Variants in CDH23 observed in about 807,000 individuals in gnomAD.
The protein encoded by CDH23 is cadherin related 23.
Under a neutral mutation model 317.1 loss-of-function variants are expected in CDH23, and 189 were observed. The ratio of observed to expected loss-of-function variants is 0.60; its 90% CI spans 0.53 to 0.67. CDH23 has a LOEUF of 0.67. Ranked by LOEUF, CDH23 falls within the 30% of genes least tolerant of loss-of-function variation. The pLI is 0.00. For missense variants in CDH23, 4,401 were observed against 4,592.4 expected (o/e 0.96, Z 1.20); for synonymous variants, 1,839 against 1,876.8 (o/e 0.98, Z 0.52).
At chr10:71,582,816 A>G (rs1858733843) in intron 9 of CDH23, among the ~76,000 whole-genome samples, 1 of 152,208 alleles carries the variant, frequency 6.6e-6, no homozygotes, top group Non-Finnish European at 1.5e-5. Flanking sequence ...GGTGGAGACC[A>G]GGGCACCATC....
At chr10:71,799,419 T>C (rs952534305) in intron 51 of CDH23, 73 bp from the exon 52 acceptor site, 2 of 1,606,292 alleles carry the variant, frequency 1.2e-6, no homozygotes, top group African/African-American at 2.7e-5. Context: ...CCTGCATCAG[T>C]GAGTTCTAGG....
intron 1 of CDH23, among the ~76,000 whole-genome samples, chr10:71,420,555 G>GGTA (rs1564568942): frequency 8.7e-5 from 8 of 92,278 alleles, no homozygotes; most frequent in African/African-American, 3.7e-4. Context: ...GTGATATGAT[G>GGTA]ATGGTGATGA....
chr10:71,542,802 C>A (rs534583235), intron 6 of CDH23, among the ~76,000 whole-genome samples: 1 of 152,380 alleles, frequency 6.6e-6, no homozygotes, highest in South Asian at 2.1e-4. Flanking sequence ...GGCTGCCACA[C>A]TTCAGCTCTC....
chr10:71,655,336 A>T (rs1446412330), intron 14 of CDH23, among the ~76,000 whole-genome samples: 2 of 151,952 alleles, frequency 1.3e-5, no homozygotes, highest in Non-Finnish European at 2.9e-5. Context: ...GCCCACTCAG[A>T]TCCTCAACAC....
At chr10:71,551,289 T>C (rs1281790580) in intron 6 of CDH23, among the ~76,000 whole-genome samples, 1 of 152,224 alleles carries the variant, frequency 6.6e-6, no homozygotes, top group Non-Finnish European at 1.5e-5. Flanking sequence ...TTAATGAACG[T>C]CATTTGCAAT....
intron 38 of CDH23, among the ~76,000 whole-genome samples, chr10:71,765,048 G>T (rs1383360986): frequency 6.6e-6 from 1 of 152,214 alleles, no homozygotes; most frequent in East Asian, 1.9e-4. Flanking sequence ...CTATGGCTCT[G>T]CCGGGAAACA....
At chr10:71,724,534 C>A (rs1866721447) in intron 29 of CDH23, among the ~76,000 whole-genome samples, 1 of 152,226 alleles carries the variant, frequency 6.6e-6, no homozygotes, top group Admixed American at 6.5e-5. Context: ...GATCTCCTGA[C>A]CTTGTGATCC....
intron 22 of CDH23, among the ~76,000 whole-genome samples, chr10:71,700,981 G>A (rs763502780): frequency 8.5e-5 from 13 of 152,186 alleles, no homozygotes; most frequent in African/African-American, 2.9e-4. Flanking sequence ...TGTCATCACC[G>A]AGTGTCCTGC....
chr10:71,506,183 G>GCGAATC (rs1309208639), intron 3 of CDH23, among the ~76,000 whole-genome samples: 4 of 152,154 alleles, frequency 2.6e-5, no homozygotes, highest in African/African-American at 9.7e-5. Context: ...TCTAGGATAG[G>GCGAATC]CGAATCCATA....
intron 11 of CDH23, among the ~76,000 whole-genome samples, chr10:71,618,932 T>A (rs866277530): frequency 9.6e-4 from 147 of 152,332 alleles, no homozygotes; most frequent in African/African-American, 3.2e-3. Context: ...TAAGTATTGA[T>A]CACCTGCTGT....
intron 10 of CDH23, among the ~76,000 whole-genome samples, chr10:71,616,863 G>A (rs1349412892): frequency 6.6e-6 from 1 of 152,202 alleles, no homozygotes; most frequent in African/African-American, 2.4e-5. Flanking sequence ...CAAAGAGAAT[G>A]AAGACTTCCC....
rs1321326393 is a variant in CDH23 at position 71,572,024 on chromosome 10, G to A, written c.753+1106G>A. Among the ~76,000 whole-genome samples the A allele has an allele frequency of 2.0e-5, 3 of 152,260 alleles. No homozygotes were observed. In the East Asian group the frequency reaches 5.8e-4, roughly 29 times the overall value. On this transcript the variant is annotated intron_variant, in intron 8 of 69. Coordinates refer to ENST00000224721, the MANE Select transcript of CDH23 (RefSeq NM_022124.6). ...CAGCATGAGGCCGCAGTCTCCTGGT[G>A]TATGGGGCTGGCATTTGGCCACTTC...
chr10:71,521,891 G>A (rs767455442), intron 6 of CDH23, among the ~76,000 whole-genome samples: 18 of 152,128 alleles, frequency 1.2e-4, no homozygotes, highest in Non-Finnish European at 1.8e-4. Context: ...TTCCTGGGGT[G>A]GCCCCTGGCC....
rs546483629 is a variant in CDH23, at chr10:71,642,783, C to G, written c.1135-1078C>G. ...TCAGTCAACCTCTCTGAACTCAATT[C>G]CACTGGAGGGGCTGGAGGGGCCCGT... On this transcript the variant is annotated intron_variant, in intron 11 of 69. Coordinates refer to ENST00000224721, the MANE Select transcript of CDH23 (RefSeq NM_022124.6). Among the ~76,000 whole-genome samples, 6 of 152,274 alleles carry G rather than the reference C, an allele frequency of 3.9e-5. No individual in the cohort carries two copies. In the South Asian group the frequency reaches 1.2e-3, roughly 32 times the overall value.
chr10:71,773,354 T>C (rs771727071), intron 38 of CDH23: 1 of 1,605,482 alleles, frequency 6.2e-7, no homozygotes, highest in Non-Finnish European at 8.5e-7. Flanking sequence ...TCCCCCGACC[T>C]TACCTAGGGA....
At position 71,734,334 on chromosome 10, in the gene CDH23, C is replaced by G; in HGVS notation, c.4199C>G (p.Ser1400Cys). The G allele has an allele frequency of 6.2e-7, 1 of 1,607,812 alleles. No individual in the cohort carries two copies. The highest frequency in any genetic ancestry group is 8.5e-7 in the Non-Finnish European group (1 of 1,177,152). ...VADDGGPKVD[S>C]TVKVYITVLD... ...GATGACGGCGGCCCCAAGGTGGACT[C>G]CACCGTGGTGAGTGGGACCAGGGTG... The change falls in exon 33 of 70, where the codon TCC (serine) becomes TGC (cysteine). Residue 1400 changes from serine (S) to cysteine (C), a missense_variant. Physicochemically the swap from Ser to Cys is moderately radical, Grantham distance 112 (BLOSUM62 -1). This residue lies in a region of CDH23 where 3,068 missense variants were observed against 3,203.3 expected (regional missense o/e 0.96). Coordinates refer to ENST00000224721, the MANE Select transcript of CDH23 (RefSeq NM_022124.6).
intron 3 of CDH23, among the ~76,000 whole-genome samples, chr10:71,502,969 C>T (rs1244967195): frequency 1.3e-5 from 2 of 152,226 alleles, no homozygotes; most frequent in Non-Finnish European, 2.9e-5. Context: ...CTCCAGGAGC[C>T]GCATGACCAC....
intron 30 of CDH23, among the ~76,000 whole-genome samples, chr10:71,728,925 G>T (rs550937771): frequency 6.6e-6 from 1 of 152,042 alleles, no homozygotes; most frequent in Non-Finnish European, 1.5e-5. Context: ...CAAACTCCTG[G>T]GCTCAAGCGA....
chr10:71,472,210 G>A (rs76275571), intron 3 of CDH23, among the ~76,000 whole-genome samples: 493 of 152,314 alleles, frequency 3.2e-3, no homozygotes, highest in Non-Finnish European at 4.1e-3. Flanking sequence ...GGAGGCCCTG[G>A]CAGGAGACTG....
Sources: gnomAD v4.1 joint callset for allele counts (sites outside exome capture counted in the v4.1 genomes callset) on GRCh38, gnomAD v4.1.1 for gene constraint, gnomAD v4.1.1 regional missense constraint, MANE v1.5 for transcripts, NCBI Gene and HGNC (gene_info 2026-07-23, HGNC 2026-07-21) for gene names.